Variants in WWC2 observed in about 807,000 individuals in gnomAD.
WWC2 encodes WW and C2 domain containing 2.
A neutral mutation model predicts 138.5 loss-of-function variants in WWC2; 101 were observed. The observed-to-expected ratio is 0.73, with a 90% CI of 0.62 to 0.86. The LOEUF is 0.86. Ranked by LOEUF, WWC2 falls within the 40% of genes least tolerant of loss-of-function variation. WWC2 has a pLI of 0.00. For synonymous variants in WWC2, 558 were observed against 538.4 expected, an observed-to-expected ratio of 1.04 and a Z score of -0.50; for missense variants, 1,420 against 1,419.4, an observed-to-expected ratio of 1.00 and a Z score of -0.01.
chr4:183,264,856 A>G (rs1385479492), intron 11 of WWC2, 122 bp from the exon 12 acceptor site: 18 of 1,083,632 alleles, frequency 1.7e-5, no homozygotes, highest in Non-Finnish European at 2.5e-6. Context: ...GAATATTAAC[A>G]TCCTTGACTC....
chr4:183,218,969 CA>C (rs1415622083), intron 4 of WWC2, among the ~76,000 whole-genome samples: 1 of 152,076 alleles, frequency 6.6e-6, no homozygotes, highest in Non-Finnish European at 1.5e-5. Context: ...TAAATGTCAA[CA>C]AAATATGGCA....
intron 17 of WWC2, chr4:183,281,117 C>A: frequency 1.8e-6 from 1 of 546,254 alleles, no homozygotes; most frequent in Non-Finnish European, 2.9e-6. Context: ...ATTCTTTGTT[C>A]TTGTTTCGAG....
chr4:183,230,872 ATACTAT>A (rs1736224143), intron 4 of WWC2, among the ~76,000 whole-genome samples: 1 of 152,236 alleles, frequency 6.6e-6, no homozygotes, highest in Non-Finnish European at 1.5e-5. Context: ...GAGAAAATTT[ATACTAT>A]TACATTTGAA....
chr4:183,220,534 TAAAA>T (rs751722785), intron 4 of WWC2, among the ~76,000 whole-genome samples: 1 of 137,314 alleles, frequency 7.3e-6, no homozygotes. Context: ...GTATCCACTT[TAAAA>T]AAAAAAAAAA....
chr4:183,203,836 A>G (rs1439945784), intron 2 of WWC2, among the ~76,000 whole-genome samples: 3 of 152,112 alleles, frequency 2.0e-5, no homozygotes, highest in Non-Finnish European at 4.4e-5. Flanking sequence ...TTCAAGAGCG[A>G]TTCTTCCTCT....
intron 1 of WWC2, among the ~76,000 whole-genome samples, chr4:183,139,967 G>A (rs1383589822): frequency 2.0e-5 from 3 of 152,110 alleles, no homozygotes; most frequent in East Asian, 1.9e-4. Context: ...TGCACACCTC[G>A]ACGCCCGGCC....
chr4:183,288,581 C>T (rs1738330552), intron 20 of WWC2, among the ~76,000 whole-genome samples: 1 of 152,214 alleles, frequency 6.6e-6, no homozygotes, highest in Admixed American at 6.5e-5. Flanking sequence ...CTTCCTCTCG[C>T]TTAAGGCCTC....
intron 1 of WWC2, among the ~76,000 whole-genome samples, chr4:183,148,526 C>T (rs1733538925): frequency 6.6e-6 from 1 of 152,160 alleles, no homozygotes; most frequent in African/African-American, 2.4e-5. Flanking sequence ...GCTGCCTTCC[C>T]CATTTCTCTG....
intron 2 of WWC2, among the ~76,000 whole-genome samples, chr4:183,198,805 A>AAAG (rs905186788): frequency 2.7e-5 from 4 of 150,316 alleles, no homozygotes; most frequent in African/African-American, 9.7e-5. Context: ...AAAAAAAAAA[A>AAAG]AAAAAAAAAA....
intron 1 of WWC2, among the ~76,000 whole-genome samples, chr4:183,173,279 C>G (rs1431241643): frequency 6.6e-6 from 1 of 152,072 alleles, no homozygotes; most frequent in Non-Finnish European, 1.5e-5. Context: ...CTCAAACTCT[C>G]AGGCTTAAGA....
Position 183,291,266 on chromosome 4 carries a change from G to A in WWC2, c.3384+1631G>A, listed in dbSNP as rs902998046. Among the ~76,000 whole-genome samples, 10 of 152,278 alleles carry A rather than the reference G, an allele frequency of 6.6e-5. No homozygotes were observed. The East Asian group carries it at 7.7e-4, about 12-fold the overall frequency. On this transcript the variant is annotated intron_variant, in intron 21 of 22. Coordinates refer to ENST00000403733, the MANE Select transcript of WWC2 (RefSeq NM_024949.6). Reference sequence around the variant, plus strand: ...AAAGTGGGTAGTGGAGCTTCACAGCGGGGAGAGGCCCAGGACTCTCCATTA... The same window carrying A: ...AAAGTGGGTAGTGGAGCTTCACAGCAGGGAGAGGCCCAGGACTCTCCATTA...
intron 1 of WWC2, among the ~76,000 whole-genome samples, chr4:183,187,321 A>G (rs1734836742): frequency 6.6e-6 from 1 of 152,010 alleles, no homozygotes. Flanking sequence ...TGGGAGGCCG[A>G]GGCGGGTGGA....
chr4:183,170,593 T>C (rs927395787), intron 1 of WWC2, among the ~76,000 whole-genome samples: 4 of 152,182 alleles, frequency 2.6e-5, no homozygotes, highest in Admixed American at 2.6e-4. Context: ...GAGATGCACT[T>C]TTGTGACATG....
At chr4:183,167,824 C>T (rs1734167055) in intron 1 of WWC2, among the ~76,000 whole-genome samples, 1 of 150,712 alleles carries the variant, frequency 6.6e-6, no homozygotes, top group African/African-American at 2.4e-5. Flanking sequence ...AGACTAGATA[C>T]CTTGATTTTA....
At chr4:183,154,405 T>C (rs1016122031) in intron 1 of WWC2, among the ~76,000 whole-genome samples, 1 of 152,194 alleles carries the variant, frequency 6.6e-6, no homozygotes, top group Non-Finnish European at 1.5e-5. Context: ...AAACTGTATT[T>C]GGGTTATGTG....
intron 6 of WWC2, among the ~76,000 whole-genome samples, chr4:183,246,513 T>C (rs767757053): frequency 1.3e-5 from 2 of 152,152 alleles, no homozygotes; most frequent in African/African-American, 2.4e-5. Context: ...TAAAATAATA[T>C]AGAAAAGACA....
rs764354134 is a variant in WWC2, at chr4:183,264,963, C to T, written c.1910-15C>T. ...TAAGACATTCTGATTAGTGCTCTCA[C>T]CCTCCCCTCCATAGATGTGGAAAAA... On this transcript the variant is annotated splice_polypyrimidine_tract_variant and intron_variant, in intron 11 of 22. Coordinates refer to ENST00000403733, the MANE Select transcript of WWC2 (RefSeq NM_024949.6). 6.2e-7 allele frequency: 1 copy of T among 1,608,094 alleles called. No homozygotes were observed. The highest frequency in any genetic ancestry group is 1.1e-5 in the South Asian group (1 of 89,638).
At chr4:183,177,005 A>C (rs567888255) in intron 1 of WWC2, among the ~76,000 whole-genome samples, 1 of 152,348 alleles carries the variant, frequency 6.6e-6, no homozygotes, top group Admixed American at 6.5e-5. Flanking sequence ...TTCATTGAAC[A>C]CATGTTGAAT....
chr4:183,251,269 C>A (rs1288855083), intron 8 of WWC2, among the ~76,000 whole-genome samples: 1 of 152,214 alleles, frequency 6.6e-6, no homozygotes, highest in Non-Finnish European at 1.5e-5. Context: ...TGCCAGCTTT[C>A]GGTAGATAGT....
Sources: allele counts gnomAD v4.1 joint callset (sites outside exome capture counted in the v4.1 genomes callset), GRCh38; gene constraint gnomAD v4.1.1; transcripts MANE v1.5; gene names NCBI Gene and HGNC (gene_info 2026-07-23, HGNC 2026-07-21).